The following SYMPK variants were observed in gnomAD, a reference collection of about 807,000 sequenced individuals.
SYMPK encodes symplekin.
A neutral mutation model predicts 136.4 loss-of-function variants in SYMPK; 49 were observed. That is an observed-to-expected ratio of 0.36 (90% confidence interval 0.29 to 0.46). SYMPK has a LOEUF of 0.46. Ranked by LOEUF, SYMPK falls within the 20% of genes least tolerant of loss-of-function variation. SYMPK has a pLI of 1.00. For synonymous variants in SYMPK, 766 were observed against 713.0 expected (o/e 1.07, Z -1.19); for missense variants, 1,365 against 1,690.0 (o/e 0.81, Z 3.37).
chr19:45,823,335 C>T, intron 20 of SYMPK, 37 bp downstream of exon 20: 1 of 1,601,148 alleles, frequency 6.2e-7, no homozygotes. Flanking sequence ...CCCACATGTC[C>T]CAGGTAGCAG....
intron 5 of SYMPK, among the ~76,000 whole-genome samples, chr19:45,850,628 C>T (rs1293707680): frequency 1.3e-5 from 2 of 152,214 alleles, no homozygotes; most frequent in South Asian, 2.1e-4. Context: ...CCTGACACAG[C>T]GCAGGGCACA....
In SYMPK at chr19:45,847,838, C is replaced by T. The variant is rs781695043; in HGVS notation, c.590G>A (p.Arg197His). 1.2e-5 allele frequency: 19 copies of T among 1,614,024 alleles called. No homozygotes were observed. Among genetic ancestry groups the T allele is most frequent in the Non-Finnish European group, 1.5e-5 (18 of 1,180,010 alleles). The change falls in exon 7 of 27, where the codon CGC becomes CAC. Residue 197 changes from arginine to histidine, a missense_variant. This residue lies in a region of SYMPK where 237 missense variants were observed against 292.9 expected (regional missense o/e 0.81). Coordinates refer to ENST00000245934, the MANE Select transcript of SYMPK (RefSeq NM_004819.3). The stretch of plus-strand genomic sequence containing the variant: ...TCGGGGTATCTCTGAGTCAGCCATG[C>T]GGGGTGACAGGGTGACAATGAGGCC... ...VEGLIVTLSP[R>H]MADSEIPRRQ...
chr19:45,852,461 T>C (rs1971718917), intron 4 of SYMPK, 21 bp downstream of exon 4: 2 of 1,614,166 alleles, frequency 1.2e-6, no homozygotes, highest in African/African-American at 2.7e-5. Flanking sequence ...CACACCCCTT[T>C]CTCTTCTGTC....
chr19:45,830,313 TC>T (rs1971138106), intron 12 of SYMPK, 109 bp from the exon 13 acceptor site: 2 of 1,244,916 alleles, frequency 1.6e-6, no homozygotes, highest in Admixed American at 4.5e-5. Flanking sequence ...ATGGCCCCCA[TC>T]CCCCTGCTGC....
intron 23 of SYMPK, among the ~76,000 whole-genome samples, chr19:45,817,417 CTTTTTTTTTTTTTT>C (rs559430104): frequency 6.1e-4 from 66 of 108,472 alleles, no homozygotes; most frequent in East Asian, 8.8e-4. Flanking sequence ...TTTTTGTTCT[CTTTTTTTTTTTTTT>C]TTTTTTTTTT....
At chr19:45,843,831 C>T (rs1971499312) in intron 8 of SYMPK, among the ~76,000 whole-genome samples, 199 bp downstream of exon 8, 1 of 150,022 alleles carries the variant, frequency 6.7e-6, no homozygotes, top group South Asian at 2.1e-4. Context: ...GTAATCCCAG[C>T]TACTCGGGAG....
intron 15 of SYMPK, 78 bp downstream of exon 15, chr19:45,827,757 TAG>T: frequency 6.5e-7 from 1 of 1,544,118 alleles, no homozygotes; most frequent in East Asian, 2.2e-5. Flanking sequence ...CCACAAGGTT[TAG>T]ACTGTGTGCC....
At position 45,854,380 on chromosome 19, in the gene SYMPK, G is replaced by A. The variant is rs186877345; in HGVS notation, c.105+11C>T. ...TGCTTCCTCACTCCAAGCCCTACCC[G>A]CCACGCTCACCCTCTCTGAGGTGGT... On this transcript the variant is annotated intron_variant, in intron 2 of 26. Transcript: ENST00000245934. 8 of 1,613,096 alleles carry A rather than the reference G, an allele frequency of 5.0e-6. No individual in the cohort carries two copies. The highest frequency in any genetic ancestry group is 1.7e-4 in the Middle Eastern group (1 of 6,058).
rs778369218 is a variant in SYMPK at position 45,821,423 on chromosome 19, T to G, written c.2854A>C (p.Ile952Leu). 6 of 1,613,682 alleles carry G rather than the reference T, an allele frequency of 3.7e-6. No individual in the cohort carries two copies. The highest frequency in any genetic ancestry group is 2.2e-5 in the South Asian group (2 of 91,064). ...TTCATGTCGCACTTCACGGAGTCAA[T>G]GTTGTGTAATGCGATCAGGAGCTCT... is the stretch of plus-strand genomic sequence containing the variant. ...PGELLIALHN[I>L]DSVKCDMKSI... The change falls in exon 22 of 27, where the codon ATT becomes CTT. Residue 952 changes from isoleucine (I) to leucine (L), a missense_variant. This residue lies in a region of SYMPK where 156 missense variants were observed against 217.8 expected (regional missense o/e 0.72). Transcript: ENST00000245934. The surrounding 1 kb of genome is among the most constrained non-coding windows in gnomAD (Gnocchi z 4.4).
chr19:45,846,594 G>A (rs958036008), intron 7 of SYMPK, among the ~76,000 whole-genome samples: 8 of 152,082 alleles, frequency 5.3e-5, no homozygotes, highest in African/African-American at 1.9e-4. Context: ...AAAACACAAA[G>A]CATGGCCTCA....
At position 45,835,115 on chromosome 19, in the gene SYMPK, G is replaced by C. The variant is rs1971273643; in HGVS notation, c.1356C>G (p.Leu452=). ...TEAQIKHLAR[L]MATQMTAAGL... ...CGGCAGCTGTCATCTGTGTGGCCAT[G>C]AGCCGAGCCAGGTGCTTGATCTGGG... The change falls in exon 11 of 27, where the codon CTC becomes CTG. Residue 452 remains leucine (L), a synonymous_variant. Coordinates refer to ENST00000245934, the MANE Select transcript of SYMPK (RefSeq NM_004819.3). 6.2e-7 allele frequency: 1 copy of C among 1,612,284 alleles called. No individual in the cohort carries two copies. The highest frequency in any genetic ancestry group is 1.3e-5 in the African/African-American group (1 of 74,914).
In SYMPK at chr19:45,838,412, A is replaced by AG. The variant is rs761792138; in HGVS notation, c.1242+48dup. On this transcript the variant is annotated intron_variant, in intron 10 of 26. Coordinates refer to ENST00000245934, the MANE Select transcript of SYMPK (RefSeq NM_004819.3). ...AGTGGAGGCAGGTGAAAGACCGAGG[A>AG]GATCCTTCCTTCCTGCCCAGGGGGA... 4.4e-6 allele frequency: 7 copies of AG among 1,579,326 alleles called. No homozygotes were observed. The East Asian group carries it at 1.6e-4, about 36-fold the overall frequency.
chr19:45,846,064 G>A (rs1004938756), intron 7 of SYMPK, among the ~76,000 whole-genome samples: 2 of 152,074 alleles, frequency 1.3e-5, no homozygotes, highest in Non-Finnish European at 2.9e-5. Context: ...GTGAAACCCT[G>A]TCTCTACTAA....
chr19:45,826,439 G>A (rs1049528532), intron 16 of SYMPK, 66 bp from the exon 17 acceptor site: 206 of 1,543,438 alleles, frequency 1.3e-4, no homozygotes, highest in East Asian at 2.3e-4. Context: ...CTATTCCTGC[G>A]AGCATGGCAA....
intron 10 of SYMPK, among the ~76,000 whole-genome samples, chr19:45,837,722 T>C (rs1971336180): frequency 6.7e-6 from 1 of 149,496 alleles, no homozygotes; most frequent in Admixed American, 6.7e-5. Context: ...TGGAGCCAGG[T>C]AGCAAGTGAG....
chr19:45,825,825 C>T (rs1212373804), intron 17 of SYMPK, among the ~76,000 whole-genome samples: 1 of 152,154 alleles, frequency 6.6e-6, no homozygotes, highest in African/African-American at 2.4e-5. Context: ...GAAGGCTGTG[C>T]ATCTCCTGGG....
intron 10 of SYMPK, among the ~76,000 whole-genome samples, chr19:45,836,281 C>G (rs375121022): frequency 6.6e-6 from 1 of 151,700 alleles, no homozygotes; most frequent in East Asian, 2.0e-4. Context: ...GGGGTTTCAC[C>G]ATCTTGCCCA....
At chr19:45,857,430 A>C (rs998494728) in intron 1 of SYMPK, among the ~76,000 whole-genome samples, 49 of 151,100 alleles carry the variant, frequency 3.2e-4, no homozygotes, top group Non-Finnish European at 5.9e-4. Flanking sequence ...AAAAAAAAAA[A>C]AAAACACACA....
chr19:45,854,776 G>C (rs1428018855), intron 1 of SYMPK: 1 of 471,876 alleles, frequency 2.1e-6, no homozygotes, highest in African/African-American at 2.0e-5. Flanking sequence ...AACAGCTGCT[G>C]AACGATGGGC....
Sources: gnomAD v4.1 joint callset for allele counts (sites outside exome capture counted in the v4.1 genomes callset) on GRCh38, gnomAD v4.1.1 for gene constraint, gnomAD v4.1.1 regional missense constraint, Gnocchi (gnomAD v3.1) non-coding constraint, MANE v1.5 for transcripts, NCBI Gene and HGNC (gene_info 2026-07-23, HGNC 2026-07-21) for gene names.